Variants in TMEM132E observed in about 807,000 individuals in gnomAD.
The protein encoded by TMEM132E is transmembrane protein 132E.
A neutral mutation model predicts 78.5 loss-of-function variants in TMEM132E; 49 were observed. The observed-to-expected ratio is 0.62, with a 90% CI of 0.50 to 0.79. The LOEUF (loss-of-function observed/expected upper bound fraction) is 0.79. TMEM132E is among the 30% of genes least tolerant of loss of function. TMEM132E has a pLI of 0.00. For synonymous variants in TMEM132E, 715 were observed against 670.6 expected (o/e 1.07, Z -1.02); for missense variants, 1,403 against 1,470.9 (o/e 0.95, Z 0.75).
At position 34,638,337 on chromosome 17, in the gene TMEM132E, T is replaced by C. The variant is rs982157131; in HGVS notation, c.*105T>C. 4.0e-6 allele frequency: 5 copies of C among 1,241,768 alleles called. No homozygotes were observed. The African/African-American group carries it at 7.7e-5, about 19-fold the overall frequency. The allele number at this position is 1,241,768 out of a possible 1,614,324, so 76.9% of individuals were successfully genotyped here. The stretch of plus-strand genomic sequence containing the variant: ...CACTGACTCTGGGCGGCTGAATTGA[T>C]TTTGTACTCCCTGCCCCTGCAGCTT... On this transcript the variant is annotated 3_prime_UTR_variant, in exon 9 of 9. Transcript: ENST00000631683.
intron 1 of TMEM132E, among the ~76,000 whole-genome samples, chr17:34,608,900 C>T (rs1906501857): frequency 7.0e-6 from 1 of 143,804 alleles, no homozygotes; most frequent in African/African-American, 2.9e-5. Context: ...AAAGCTATGA[C>T]ATGGAGGCCC....
chr17:34,594,012 C>T (rs951478915), intron 1 of TMEM132E, among the ~76,000 whole-genome samples: 2 of 152,168 alleles, frequency 1.3e-5, no homozygotes, highest in South Asian at 4.2e-4. Context: ...CCGCCTCTTA[C>T]CTCCTACCTC....
At chr17:34,634,679 C>G in intron 6 of TMEM132E, 120 bp from the exon 7 acceptor site, 1 of 1,264,060 alleles carries the variant, frequency 7.9e-7, no homozygotes, top group Non-Finnish European at 1.1e-6. Context: ...ATAGAGGAAG[C>G]TTGCTTTTGC....
intron 1 of TMEM132E, among the ~76,000 whole-genome samples, chr17:34,617,464 C>A (rs1023147108): frequency 7.9e-5 from 12 of 152,218 alleles, no homozygotes; most frequent in African/African-American, 2.7e-4. Context: ...CAGGTGAGCA[C>A]TTCCCTCCTC....
At chr17:34,621,313 G>T (rs1906954069) in intron 1 of TMEM132E, among the ~76,000 whole-genome samples, 1 of 152,122 alleles carries the variant, frequency 6.6e-6, no homozygotes, top group South Asian at 2.1e-4. Context: ...TTGTCTTCCT[G>T]GCTCGTAGAC....
intron 1 of TMEM132E, among the ~76,000 whole-genome samples, chr17:34,584,930 A>G (rs371921389): frequency 6.6e-6 from 1 of 152,168 alleles, no homozygotes; most frequent in East Asian, 1.9e-4. Context: ...AGCAACCTTG[A>G]GTTTCTCCTG....
chr17:34,617,267 A>T (rs575680653), intron 1 of TMEM132E, among the ~76,000 whole-genome samples: 2 of 152,376 alleles, frequency 1.3e-5, no homozygotes, highest in South Asian at 4.1e-4. Flanking sequence ...GATCAGTGAC[A>T]GAGCTTTCTG....
intron 1 of TMEM132E, among the ~76,000 whole-genome samples, chr17:34,584,331 C>T (rs933522027): frequency 9.9e-5 from 15 of 152,206 alleles, no homozygotes; most frequent in South Asian, 2.1e-4. Context: ...ACCTTCAAAG[C>T]GGAGTTCAAA....
intron 1 of TMEM132E, among the ~76,000 whole-genome samples, chr17:34,595,135 G>C (rs1906011831): frequency 6.6e-6 from 1 of 152,244 alleles, no homozygotes; most frequent in Admixed American, 6.5e-5. Context: ...AGCTCCAGCA[G>C]CATCATGGAG....
chr17:34,623,486 G>T (rs1443810384), intron 1 of TMEM132E, among the ~76,000 whole-genome samples: 1 of 152,162 alleles, frequency 6.6e-6, no homozygotes, highest in East Asian at 1.9e-4. Flanking sequence ...CCAGCCCAGA[G>T]GGAGGAGCGT....
Position 34,636,072 on chromosome 17 carries a change from C to A in TMEM132E, c.2043C>A (p.Val681=). The change falls in exon 8 of 9, where the codon GTC becomes GTA. Residue 681 remains valine, a synonymous_variant. Coordinates refer to ENST00000631683, the MANE Select transcript of TMEM132E (RefSeq NM_001304438.2). ...TGCTGACGGTGACTGAGGAGAAGGT[C>A]AGCATCACACAGCTTCAGGCCCAGG... The part of the protein sequence containing the change: ...ETLLTVTEEK[V]SITQLQAQVV... 6.3e-7 allele frequency: 1 copy of A among 1,590,320 alleles called. No homozygotes were observed. Among genetic ancestry groups the A allele is most frequent in the Non-Finnish European group, 8.5e-7 (1 of 1,169,838 alleles).
At chr17:34,608,956 G>A (rs72817892) in intron 1 of TMEM132E, among the ~76,000 whole-genome samples, 11,545 of 152,238 alleles carry the variant, frequency 0.076, 584 homozygotes, top group South Asian at 0.19. Context: ...AATCAGTCAT[G>A]GCTCTCTTCT....
At chr17:34,589,864 G>A (rs1313834305) in intron 1 of TMEM132E, among the ~76,000 whole-genome samples, 2 of 152,152 alleles carry the variant, frequency 1.3e-5, no homozygotes, top group East Asian at 1.9e-4. Context: ...TGGCTTATGG[G>A]GTCTTTTTTC....
chr17:34,587,185 G>A (rs1471394969), intron 1 of TMEM132E, among the ~76,000 whole-genome samples: 1 of 152,152 alleles, frequency 6.6e-6, no homozygotes, highest in Non-Finnish European at 1.5e-5. Context: ...AGAATTCCCA[G>A]AACTGAACAT....
In TMEM132E at chr17:34,638,084, T is replaced by C; in HGVS notation, c.3077T>C (p.Leu1026Pro). The part of the protein sequence containing the change: ...TTFTTLPSEE[L>P]AYDSVPAGEE... Reference sequence around the variant, plus strand: ...TTCACCACGCTGCCGTCAGAGGAGCTGGCCTATGACTCGGTGCCCGCGGGC... The same window carrying C: ...TTCACCACGCTGCCGTCAGAGGAGCCGGCCTATGACTCGGTGCCCGCGGGC... The change falls in exon 9 of 9, where the codon CTG (leucine) becomes CCG (proline). Residue 1026 changes from leucine to proline, a missense_variant. Physicochemically the swap from Leu to Pro is moderately conservative, Grantham distance 98. Around this residue, in one of 3 missense-constraint regions of TMEM132E, gnomAD observed 888 missense variants for 952.8 expected, o/e 0.93. Transcript: ENST00000631683. 6.3e-7 allele frequency: 1 copy of C among 1,591,474 alleles called. No homozygotes were observed. The highest frequency in any genetic ancestry group is 1.1e-5 in the South Asian group (1 of 88,288).
In TMEM132E at chr17:34,629,181, C is replaced by T; in HGVS notation, c.1315C>T (p.Gln439Ter). 6.2e-7 allele frequency: 1 copy of T among 1,614,098 alleles called. No homozygotes were observed. The highest frequency in any genetic ancestry group is 8.5e-7 in the Non-Finnish European group (1 of 1,179,992). ...TELTVIQRDV[Q>*]AILPLAMDTE... The stretch of plus-strand genomic sequence containing the variant: ...GCTGACGGTCATTCAGCGGGATGTG[C>T]AAGCCATCCTGCCCCTGGCCATGGT... Residue 439 changes from glutamine (Q) to a stop codon, truncating the protein, a stop_gained, in exon 4 of 9, where the codon CAA becomes TAA. Transcript: ENST00000631683. LOFTEE classifies it high-confidence loss of function.
rs74525361 is a variant in TMEM132E, at chr17:34,636,036, C to T, written c.2007C>T (p.Leu669=). ...KVVSPLTEAV[L]GETLLTVTEE... ...TGTCTCCGCTGACGGAGGCTGTGCT[C>T]GGGGAGACGCTGCTGACGGTGACTG... The change falls in exon 8 of 9, where the codon CTC becomes CTT. Residue 669 remains leucine, a synonymous_variant. Coordinates refer to ENST00000631683, the MANE Select transcript of TMEM132E (RefSeq NM_001304438.2). 2.3e-5 allele frequency: 35 copies of T among 1,541,054 alleles called. No individual in the cohort carries two copies. Among genetic ancestry groups the T allele is most frequent in the Admixed American group, 1.7e-4 (8 of 48,332 alleles).
chr17:34,600,716 G>C (rs970718038), intron 1 of TMEM132E, among the ~76,000 whole-genome samples: 1 of 152,204 alleles, frequency 6.6e-6, no homozygotes, highest in Non-Finnish European at 1.5e-5. Context: ...GGCCCCGGCA[G>C]AACTGGCAGT....
chr17:34,592,583 T>A (rs1482134355), intron 1 of TMEM132E, among the ~76,000 whole-genome samples: 1 of 152,212 alleles, frequency 6.6e-6, no homozygotes, highest in Admixed American at 6.5e-5. Context: ...CCTAGCAGGA[T>A]GGCCAGGTAA....
Sources: gnomAD v4.1 joint callset for allele counts (sites outside exome capture counted in the v4.1 genomes callset) on GRCh38, gnomAD v4.1.1 for gene constraint, gnomAD v4.1.1 regional missense constraint, MANE v1.5 for transcripts, NCBI Gene and HGNC (gene_info 2026-07-23, HGNC 2026-07-21) for gene names.